The following EPHA6 variants were observed in gnomAD, a reference collection of about 807,000 sequenced individuals.
The protein encoded by EPHA6 is EPH receptor A6, also known as ephrin type-A receptor 6.
Under a neutral mutation model 112.0 loss-of-function variants are expected in EPHA6, and 50 were observed. The observed-to-expected ratio is 0.45, with a 90% CI of 0.36 to 0.56. The LOEUF is 0.56. Ranked by LOEUF, EPHA6 falls within the 20% of genes least tolerant of loss-of-function variation. The probability of loss-of-function intolerance (pLI) is 0.00; values close to 1 mark genes in which losing one functional copy is unlikely to be tolerated. For missense variants in EPHA6, 1,280 were observed against 1,417.4 expected (o/e 0.90, Z 1.56); for synonymous variants, 529 against 490.7 (o/e 1.08, Z -1.03).
chr3:97,056,906 C>G (rs750980796), intron 3 of EPHA6, among the ~76,000 whole-genome samples: 25 of 152,282 alleles, frequency 1.6e-4, no homozygotes, highest in Admixed American at 2.6e-4. Flanking sequence ...TTGACTGCTA[C>G]TGCCACCACC....
intron 3 of EPHA6, among the ~76,000 whole-genome samples, chr3:97,100,231 A>G (rs1406218863): frequency 6.7e-6 from 1 of 149,772 alleles, no homozygotes; most frequent in Non-Finnish European, 1.5e-5. Flanking sequence ...CACAATAAAT[A>G]TAGTTTATAT....
intron 3 of EPHA6, among the ~76,000 whole-genome samples, chr3:97,053,051 T>G (rs945353472): frequency 2.6e-5 from 4 of 152,066 alleles, no homozygotes; most frequent in African/African-American, 9.7e-5. Context: ...TTTACAGAAG[T>G]GTGACTGACT....
At chr3:97,499,619 C>T (rs2092067105) in intron 10 of EPHA6, among the ~76,000 whole-genome samples, 1 of 152,076 alleles carries the variant, frequency 6.6e-6, no homozygotes, top group African/African-American at 2.4e-5. Flanking sequence ...TTCTAGGCTA[C>T]AAAGCTGTAA....
At chr3:97,102,042 C>A (rs1192117742) in intron 3 of EPHA6, among the ~76,000 whole-genome samples, 1 of 152,050 alleles carries the variant, frequency 6.6e-6, no homozygotes, top group African/African-American at 2.4e-5. Flanking sequence ...ACATCTGGGA[C>A]TTTGATGGCT....
At chr3:97,379,270 C>G (rs1422778483) in intron 5 of EPHA6, among the ~76,000 whole-genome samples, 6 of 152,234 alleles carry the variant, frequency 3.9e-5, no homozygotes, top group Admixed American at 1.3e-4. Context: ...TCCAAGTAAG[C>G]CTCTTTTCCT....
rs34590874 is a variant in EPHA6, at chr3:96,935,514, AG to A, written c.451-51815del. Among the ~76,000 whole-genome samples, 431 of 150,406 alleles carry A rather than the reference AG, an allele frequency of 2.9e-3. 1 individual carries two copies. The highest frequency in any genetic ancestry group is 0.01 in the African/African-American group (416 of 41,300). ...TTACATAATTCATTTCATATATTCT[AG>A]ATTTTAAAAGACCATATTATATTTA... On this transcript the variant is annotated intron_variant, in intron 2 of 17. Transcript: ENST00000389672.
intron 11 of EPHA6, among the ~76,000 whole-genome samples, chr3:97,539,007 C>CTTTCT (rs1377066219): frequency 1.0e-4 from 15 of 150,104 alleles, no homozygotes; most frequent in Non-Finnish European, 1.8e-4. Flanking sequence ...TTCTTTCTTT[C>CTTTCT]TTTCTTTCTT....
At chr3:97,674,691 G>A (rs749047050) in intron 14 of EPHA6, among the ~76,000 whole-genome samples, 6 of 152,172 alleles carry the variant, frequency 3.9e-5, no homozygotes, top group Non-Finnish European at 7.3e-5. Flanking sequence ...GAGCCTAATA[G>A]CTGACTGATT....
intron 10 of EPHA6, among the ~76,000 whole-genome samples, chr3:97,513,929 G>A (rs182384610): frequency 3.7e-4 from 57 of 152,188 alleles, no homozygotes; most frequent in African/African-American, 1.1e-3. Flanking sequence ...AGAGAATGCC[G>A]TTAACAGAAG....
At chr3:96,972,201 T>G (rs898297063) in intron 2 of EPHA6, among the ~76,000 whole-genome samples, 1 of 152,040 alleles carries the variant, frequency 6.6e-6, no homozygotes, top group Non-Finnish European at 1.5e-5. Context: ...CCTTTATATA[T>G]TTACTATAAA....
intron 6 of EPHA6, among the ~76,000 whole-genome samples, chr3:97,417,131 A>G (rs1214704152): frequency 5.3e-5 from 8 of 152,198 alleles, no homozygotes; most frequent in Non-Finnish European, 7.3e-5. Flanking sequence ...TAAAACAATT[A>G]TACTCCTGAT....
At position 97,484,039 on chromosome 3, in the gene EPHA6, T is replaced by C; in HGVS notation, c.2180T>C (p.Ile727Thr). 1.2e-6 allele frequency: 2 copies of C among 1,607,178 alleles called. No individual in the cohort carries two copies. The highest frequency in any genetic ancestry group is 1.7e-6 in the Non-Finnish European group (2 of 1,177,064). ...AKEIDPSRIR[I>T]ERVIGAGEFG... ...GAGATTGATCCCTCAAGAATTCGTA[T>C]TGAGAGAGTCATTGGGGCAGGTAAA... is the stretch of plus-strand genomic sequence containing the variant. Residue 727 changes from isoleucine to threonine, a missense_variant, in exon 10 of 18, where the codon ATT becomes ACT. By Grantham distance (89) the Ile-to-Thr change is moderately conservative (BLOSUM62 -1). Transcript: ENST00000389672.
chr3:97,522,263 T>C (rs1424651147), intron 10 of EPHA6, among the ~76,000 whole-genome samples: 1 of 152,162 alleles, frequency 6.6e-6, no homozygotes, highest in Non-Finnish European at 1.5e-5. Flanking sequence ...GTGGAAAGGA[T>C]GCTGAATTTT....
intron 7 of EPHA6, among the ~76,000 whole-genome samples, chr3:97,461,811 C>T (rs75258128): frequency 0.015 from 2,274 of 152,180 alleles, 51 homozygotes; most frequent in African/African-American, 0.051. Flanking sequence ...AGGGCTTAAG[C>T]ACTGGACAAT....
chr3:97,633,539 G>A (rs557549488), intron 13 of EPHA6, among the ~76,000 whole-genome samples: 10 of 151,918 alleles, frequency 6.6e-5, no homozygotes, highest in African/African-American at 1.9e-4. Context: ...AATATTTATC[G>A]AGTGCTAACA....
chr3:97,648,576 G>A, intron 14 of EPHA6: 1 of 1,198,974 alleles, frequency 8.3e-7, no homozygotes, highest in Non-Finnish European at 1.0e-6. Context: ...TAACACAAGT[G>A]AGATCTGCCT....
chr3:97,085,928 C>CATATATATATATAT (rs67777487), intron 3 of EPHA6, among the ~76,000 whole-genome samples: 1,514 of 119,392 alleles, frequency 0.013, 95 homozygotes, highest in African/African-American at 0.053. Flanking sequence ...TATATGATGT[C>CATATATATATATAT]ATATATATAT....
intron 3 of EPHA6, among the ~76,000 whole-genome samples, chr3:97,013,412 C>T (rs963759670): frequency 3.9e-5 from 6 of 151,976 alleles, no homozygotes; most frequent in Non-Finnish European, 8.8e-5. Context: ...GTTTTTCTCC[C>T]TACATCTATA....
intron 7 of EPHA6, among the ~76,000 whole-genome samples, chr3:97,473,595 C>T (rs59142668): frequency 0.12 from 17,843 of 151,820 alleles, 1,297 homozygotes; most frequent in Admixed American, 0.23. Flanking sequence ...TTTACAGATA[C>T]AACAGTTTTT....
Sources: allele counts gnomAD v4.1 joint callset (sites outside exome capture counted in the v4.1 genomes callset), GRCh38; gene constraint gnomAD v4.1.1; transcripts MANE v1.5; gene names NCBI Gene and HGNC (gene_info 2026-07-23, HGNC 2026-07-21).